DACH2: variants seen among roughly 807,000 people sequenced by gnomAD.
DACH2 encodes dachshund family transcription factor 2.
Under a neutral mutation model 35.8 loss-of-function variants are expected in DACH2, and 17 were observed. That is an observed-to-expected ratio of 0.48 (90% confidence interval 0.33 to 0.71). The LOEUF (loss-of-function observed/expected upper bound fraction) is 0.71, where lower values mean the gene tolerates loss of function less well. DACH2 is among the 30% of genes least tolerant of loss of function. The pLI, the probability that DACH2 is intolerant of heterozygous loss-of-function variation, is 0.02. For synonymous variants in DACH2, 195 were observed against 177.3 expected (o/e 1.10, Z -0.79); for missense variants, 469 against 472.7 (o/e 0.99, Z 0.07).
intron 1 of DACH2, among the ~76,000 whole-genome samples, chrX:86,257,250 G>C (rs1326148294): frequency 9.0e-6 from 1 of 110,837 alleles, no homozygotes; most frequent in Non-Finnish European, 1.9e-5. Flanking sequence ...CATTTATTAG[G>C]CTCTTATTAT....
intron 4 of DACH2, among the ~76,000 whole-genome samples, chrX:86,653,663 C>CTT (rs34499664): frequency 1.5e-3 from 106 of 69,634 alleles, no homozygotes; most frequent in Non-Finnish European, 2.0e-3. Flanking sequence ...ATATAAAATC[C>CTT]TTTTTTTTTT....
Position 86,148,542 on chromosome X carries a change from G to A in DACH2, c.-79G>A. The A allele has an allele frequency of 2.9e-6, 3 of 1,041,516 alleles. No homozygotes were observed. Among genetic ancestry groups the A allele is most frequent in the Non-Finnish European group, 3.8e-6 (3 of 787,374 alleles). 85.8% of individuals were successfully genotyped at this position (1,041,516 alleles called of 1,213,427 possible). ...GCGCGCCAGAGAGAGCGAGAGTGAG[G>A]GAGTGAGTGCGAGGGGATCTAGAGG... On this transcript the variant is annotated 5_prime_UTR_variant, in exon 1 of 12. Transcript: ENST00000373125.
chrX:86,524,877 CAT>C (rs1326048062), intron 3 of DACH2, among the ~76,000 whole-genome samples: 1 of 110,867 alleles, frequency 9.0e-6, no homozygotes, highest in Non-Finnish European at 1.9e-5. Context: ...ATGATGATGA[CAT>C]ATGATAATAA....
intron 1 of DACH2, among the ~76,000 whole-genome samples, chrX:86,177,678 C>T (rs2031348157): frequency 9.0e-6 from 1 of 111,109 alleles, no homozygotes; most frequent in Admixed American, 9.7e-5. Flanking sequence ...CCATTAGATC[C>T]TATCACTGAT....
intron 3 of DACH2, among the ~76,000 whole-genome samples, chrX:86,546,455 C>CTCTTCTACCTCTTATTCTTCCTCTTCT (rs2038972800): frequency 4.2e-5 from 3 of 70,732 alleles, no homozygotes; most frequent in Non-Finnish European, 8.2e-5. Context: ...CTTCCTCTTC[C>CTCTTCTACCTCTTATTCTTCCTCTTCT]TCTTCTACCT....
intron 1 of DACH2, among the ~76,000 whole-genome samples, chrX:86,301,024 A>G (rs2034566087): frequency 8.9e-6 from 1 of 112,247 alleles, no homozygotes; most frequent in South Asian, 3.6e-4. Context: ...GGTAACTGGA[A>G]GAAGGGAAAA....
chrX:86,307,189 G>A (rs898784933), intron 1 of DACH2, among the ~76,000 whole-genome samples: 1 of 111,707 alleles, frequency 9.0e-6, no homozygotes, highest in Non-Finnish European at 1.9e-5. Context: ...ATGAACTCAA[G>A]GATTCTGTCT....
At chrX:86,482,263 A>C (rs1393291729) in intron 2 of DACH2, among the ~76,000 whole-genome samples, 2 of 112,248 alleles carry the variant, frequency 1.8e-5, no homozygotes, top group Non-Finnish European at 3.8e-5. Flanking sequence ...GTAACCCATA[A>C]ATTTATGCAA....
At chrX:86,720,752 G>T (rs989986809) in intron 6 of DACH2, among the ~76,000 whole-genome samples, 1 of 112,573 alleles carries the variant, frequency 8.9e-6, no homozygotes, top group Non-Finnish European at 1.9e-5. Context: ...GTGCCCCAGT[G>T]GGGGAATCTG....
At chrX:86,654,187 T>TAAAAAAA (rs764775335) in intron 4 of DACH2, among the ~76,000 whole-genome samples, 1 of 40,451 alleles carries the variant, frequency 2.5e-5, no homozygotes, top group Admixed American at 4.3e-4. Flanking sequence ...ACATTTTTAG[T>TAAAAAAA]AAAAAAAAAA....
At chrX:86,153,168 G>T (rs990824008) in intron 1 of DACH2, among the ~76,000 whole-genome samples, 1 of 111,113 alleles carries the variant, frequency 9.0e-6, no homozygotes, top group African/African-American at 3.3e-5. Flanking sequence ...GGTGCTTGAA[G>T]AAACAAGAAA....
At chrX:86,744,369 A>AT (rs1364578293) in intron 7 of DACH2, among the ~76,000 whole-genome samples, 1 of 111,444 alleles carries the variant, frequency 9.0e-6, no homozygotes, top group Non-Finnish European at 1.9e-5. Flanking sequence ...AGAAAAAAAT[A>AT]TATTTTCCTG....
rs758351583 is a variant in DACH2 at position 86,714,616 on chromosome X, G to T, written c.1000G>T (p.Ala334Ser). Residue 334 changes from alanine (A) to serine (S), a missense_variant, in exon 6 of 12, where the codon GCC becomes TCC. Ala to Ser is a moderately conservative substitution (Grantham distance 99). Coordinates refer to ENST00000373125, the MANE Select transcript of DACH2 (RefSeq NM_053281.3). ...LPVSLPPASVAMAMNQMNHLN... is the reference protein window; with the variant it reads ...LPVSLPPASVSMAMNQMNHLN... The stretch of plus-strand genomic sequence containing the variant: ...AGTCAGCTTACCTCCTGCATCAGTT[G>T]CCATGGCAATGAATCAGATGAACCA... 1.7e-6 allele frequency: 2 copies of T among 1,208,890 alleles called. No homozygotes were observed. Among genetic ancestry groups the T allele is most frequent in the Non-Finnish European group, 2.2e-6 (2 of 893,513 alleles).
At chrX:86,516,890 T>A (rs1485197121) in intron 3 of DACH2, among the ~76,000 whole-genome samples, 17 of 111,620 alleles carry the variant, frequency 1.5e-4, no homozygotes, top group African/African-American at 5.5e-4. Context: ...AAAGACATGA[T>A]CTCTTTTTTA....
chrX:86,549,777 T>A (rs1189158352), intron 3 of DACH2, among the ~76,000 whole-genome samples: 6 of 111,485 alleles, frequency 5.4e-5, no homozygotes, highest in Admixed American at 2.9e-4. Flanking sequence ...ATAAAATGTA[T>A]TTAGAAAAAA....
At chrX:86,588,481 C>A (rs1207357915) in intron 3 of DACH2, among the ~76,000 whole-genome samples, 1 of 111,982 alleles carries the variant, frequency 8.9e-6, no homozygotes, top group African/African-American at 3.2e-5. Context: ...GATATTAATT[C>A]TTCCAATCCA....
chrX:86,802,530 A>G (rs1169084914), intron 7 of DACH2, among the ~76,000 whole-genome samples: 4 of 11,702 alleles, frequency 3.4e-4, no homozygotes, highest in East Asian at 2.3e-3. Flanking sequence ...TCTTGGTTGA[A>G]AAAAAAAAAA....
chrX:86,303,423 CAAATG>C (rs1411060597), intron 1 of DACH2, among the ~76,000 whole-genome samples: 1 of 109,958 alleles, frequency 9.1e-6, no homozygotes, highest in Non-Finnish European at 1.9e-5. Flanking sequence ...AATATGGGTC[CAAATG>C]TGAAGTAGAA....
intron 7 of DACH2, among the ~76,000 whole-genome samples, chrX:86,803,915 G>A (rs1226125702): frequency 9.0e-6 from 1 of 111,434 alleles, no homozygotes; most frequent in East Asian, 2.8e-4. Flanking sequence ...TACCATTTGA[G>A]CAAATCATAC....
Sources: allele counts gnomAD v4.1 joint callset (sites outside exome capture counted in the v4.1 genomes callset), GRCh38; gene constraint gnomAD v4.1.1; transcripts MANE v1.5; gene names NCBI Gene and HGNC (gene_info 2026-07-23, HGNC 2026-07-21).